The following LAMB4 variants were observed in gnomAD, a reference collection of about 807,000 sequenced individuals.
LAMB4 encodes laminin subunit beta-4.
A neutral mutation model predicts 199.2 loss-of-function variants in LAMB4; 196 were observed. The ratio of observed to expected loss-of-function variants is 0.98; its 90% CI spans 0.88 to 1.11. The LOEUF (loss-of-function observed/expected upper bound fraction) is 1.11. LAMB4 is among the 50% of genes least tolerant of loss of function. The probability of loss-of-function intolerance (pLI) is 0.00; values close to 1 mark genes in which losing one functional copy is unlikely to be tolerated. For synonymous variants in LAMB4, 744 were observed against 770.6 expected, an observed-to-expected ratio of 0.97 and a Z score of 0.57; for missense variants, 2,080 against 2,171.2, an observed-to-expected ratio of 0.96 and a Z score of 0.83.
At chr7:108,048,372 G>C (rs2035713966) in intron 27 of LAMB4, among the ~76,000 whole-genome samples, 1 of 152,042 alleles carries the variant, frequency 6.6e-6, no homozygotes, top group African/African-American at 2.4e-5. Context: ...CACCATTTTG[G>C]TCAGGCTGGT....
chr7:108,022,064 C>T (rs2034705779), downstream of LAMB4, among the ~76,000 whole-genome samples: 1 of 152,152 alleles, frequency 6.6e-6, no homozygotes, highest in African/African-American at 2.4e-5. Flanking sequence ...CCAAGGAGGA[C>T]AGCATTGGCC....
At chr7:108,051,638 C>T (rs1459833238) in intron 26 of LAMB4, among the ~76,000 whole-genome samples, 1 of 152,166 alleles carries the variant, frequency 6.6e-6, no homozygotes, top group Non-Finnish European at 1.5e-5. Context: ...TAGTATGTTG[C>T]ATGACTCTCA....
rs377294955 is a variant in LAMB4, at chr7:108,103,842, C to T, written c.992-610G>A. On this transcript the variant is annotated intron_variant, in intron 9 of 33. Transcript: ENST00000388781. ...GTCTAAGGTCAGGCTGCATATTCCC[C>T]GGTCTTGTATACTGTGACTCTCATG... Among the ~76,000 whole-genome samples the T allele has an allele frequency of 1.4e-4, 21 of 152,276 alleles. No homozygotes were observed. In the East Asian group the frequency reaches 2.7e-3, roughly 20 times the overall value.
At chr7:108,021,567 G>A (rs2034693562), downstream of LAMB4, among the ~76,000 whole-genome samples, 1 of 152,098 alleles carries the variant, frequency 6.6e-6, no homozygotes, top group African/African-American at 2.4e-5. Flanking sequence ...AAATTAGCCG[G>A]GCGTGGTGGC....
intron 1 of LAMB4, among the ~76,000 whole-genome samples, chr7:108,126,554 C>CTTTTTTTTTTT (rs71137605): frequency 0.011 from 939 of 83,508 alleles, 58 homozygotes; most frequent in Middle Eastern, 0.034. Flanking sequence ...GAATTTCTTT[C>CTTTTTTTTTTT]TTTTTTTTTT....
intron 29 of LAMB4, among the ~76,000 whole-genome samples, chr7:108,040,570 T>C (rs2035388488): frequency 6.6e-6 from 1 of 151,908 alleles, no homozygotes; most frequent in Admixed American, 6.6e-5. Flanking sequence ...GACACATAGA[T>C]GAATGGAACT....
intron 1 of LAMB4, among the ~76,000 whole-genome samples, chr7:108,128,546 T>C (rs1359731320): frequency 2.6e-5 from 4 of 152,184 alleles, no homozygotes; most frequent in Non-Finnish European, 4.4e-5. Context: ...CACTCACCTC[T>C]AGTCTTCCTC....
intron 15 of LAMB4, among the ~76,000 whole-genome samples, chr7:108,078,802 TTTC>T (rs1200190109): frequency 1.3e-5 from 2 of 152,234 alleles, no homozygotes; most frequent in African/African-American, 4.8e-5. Context: ...TTTTAATGGC[TTTC>T]TTATCATATT....
chr7:108,119,504 G>A (rs144108638), intron 2 of LAMB4, among the ~76,000 whole-genome samples: 30 of 152,242 alleles, frequency 2.0e-4, no homozygotes, highest in Non-Finnish European at 3.2e-4. Flanking sequence ...GGAATTGTGC[G>A]GAGTGAAAAA....
chr7:108,054,818 C>T (rs761438477), intron 25 of LAMB4, among the ~76,000 whole-genome samples: 4 of 151,990 alleles, frequency 2.6e-5, no homozygotes, highest in Admixed American at 6.6e-5. Context: ...TTTGCTGAGC[C>T]GTGGCCCAAA....
rs752137121 is a variant in LAMB4 at position 108,092,327 on chromosome 7, T to C, written c.1550+10A>G. The C allele has an allele frequency of 6.2e-6, 10 of 1,603,764 alleles. No individual in the cohort carries two copies. In the East Asian group the frequency reaches 2.0e-4, roughly 32 times the overall value. ...ATAAGGAATATTGCTATAAAACTTA[T>C]TTGACTTACACGTTAGAATAAGCAC... is the stretch of plus-strand genomic sequence containing the variant. On this transcript the variant is annotated intron_variant, in intron 13 of 33. Transcript: ENST00000388781.
intron 14 of LAMB4, among the ~76,000 whole-genome samples, chr7:108,082,165 C>T (rs2036971574): frequency 6.6e-6 from 1 of 151,948 alleles, no homozygotes; most frequent in South Asian, 2.1e-4. Flanking sequence ...CCCGTCTCTA[C>T]TAAAAATACA....
intron 2 of LAMB4, among the ~76,000 whole-genome samples, chr7:108,119,935 A>G (rs893913952): frequency 2.0e-5 from 3 of 152,158 alleles, no homozygotes; most frequent in Non-Finnish European, 4.4e-5. Context: ...CCTTACAATT[A>G]TTTCAAAATA....
At position 108,055,701 on chromosome 7, in the gene LAMB4, C is replaced by A; in HGVS notation, c.3686G>T (p.Arg1229Met). The A allele has an allele frequency of 3.1e-6, 5 of 1,614,048 alleles. No homozygotes were observed. The highest frequency in any genetic ancestry group is 2.5e-6 in the Non-Finnish European group (3 of 1,179,966). ...TGGGAAAACAGGATGTTTCAAAATC[C>A]TTTCTATTTCAGACACGTTCCCTCT... ...DLRGNVSEIERILKHPVFPSG... is the reference protein window; with the variant it reads ...DLRGNVSEIEMILKHPVFPSG... The change falls in exon 25 of 34, where the codon AGG becomes ATG. Residue 1229 changes from arginine to methionine, a missense_variant. Transcript: ENST00000388781.
intron 19 of LAMB4, among the ~76,000 whole-genome samples, chr7:108,067,224 G>T (rs2036374275): frequency 2.0e-5 from 3 of 152,162 alleles, no homozygotes; most frequent in African/African-American, 2.4e-5. Flanking sequence ...GAAAAGAAAA[G>T]AAAGCAATGA....
At chr7:108,102,901 G>C in intron 10 of LAMB4, 143 bp downstream of exon 10, 1 of 537,894 alleles carries the variant, frequency 1.9e-6, no homozygotes, top group Non-Finnish European at 3.1e-6. Context: ...TCTTAAAGCT[G>C]AGGTATTTTT....
chr7:108,046,236 ATTT>A (rs559845089), intron 28 of LAMB4, among the ~76,000 whole-genome samples: 9,457 of 132,772 alleles, frequency 0.071, 1,100 homozygotes, highest in African/African-American at 0.24. Flanking sequence ...TCCTGGCTAA[ATTT>A]TTTTTTTTTT....
chr7:108,069,826 A>T lies in LAMB4; in HGVS notation c.2184T>A (p.Asp728Glu), dbSNP rs755471764. ...LENFCSKQDLDEYQLHNCVEI... is the reference protein window; with the variant it reads ...LENFCSKQDLEEYQLHNCVEI... ...CAACACAGTTGTGAAGCTGATACTC[A>T]TCTAAGTCCTGCTTGCTGCAGAAAT... Residue 728 changes from aspartate to glutamate, a missense_variant, in exon 18 of 34, where the codon GAT becomes GAA. Coordinates refer to ENST00000388781, the MANE Select transcript of LAMB4 (RefSeq NM_007356.3). 6.2e-7 allele frequency: 1 copy of T among 1,613,904 alleles called. No individual in the cohort carries two copies. Among genetic ancestry groups the T allele is most frequent in the South Asian group, 1.1e-5 (1 of 91,070 alleles).
At chr7:108,082,421 C>T (rs1584708703) in intron 14 of LAMB4, among the ~76,000 whole-genome samples, 2 of 151,400 alleles carry the variant, frequency 1.3e-5, no homozygotes. Context: ...AGATAACTGT[C>T]TATTGGGGAA....
Sources: allele counts gnomAD v4.1 joint callset (sites outside exome capture counted in the v4.1 genomes callset), GRCh38; gene constraint gnomAD v4.1.1; transcripts MANE v1.5; gene names NCBI Gene and HGNC (gene_info 2026-07-23, HGNC 2026-07-21).